Variants in TUSC3 observed in about 807,000 individuals in gnomAD.
TUSC3 encodes tumor suppressor candidate 3, also known as dolichyl-diphosphooligosaccharide--protein glycosyltransferase subunit TUSC3.
TUSC3 carries 45 observed loss-of-function variants against 44.8 expected under a neutral mutation model. The observed-to-expected ratio is 1.00, with a 90% CI of 0.79 to 1.29. The LOEUF is 1.29. Among genes scored for constraint, TUSC3 ranks in the 50% most tolerant of loss-of-function variants. The pLI is 0.00. For missense variants in TUSC3, 519 were observed against 437.9 expected (o/e 1.19, Z -1.65); for synonymous variants, 212 against 152.9 (o/e 1.39, Z -2.85).
the TUSC3 span, among the ~76,000 whole-genome samples, chr8:15,844,659 G>C: frequency 1.3e-5 from 2 of 152,124 alleles, no homozygotes; most frequent in African/African-American, 4.8e-5. Context: ...TAAAAGCATT[G>C]TAACCTCCAG....
intron 1 of TUSC3, among the ~76,000 whole-genome samples, chr8:15,616,560 G>C (rs570095740): frequency 4.8e-4 from 73 of 152,302 alleles, no homozygotes; most frequent in African/African-American, 1.7e-3. Context: ...CTGTGTGACA[G>C]AGTGAGAGTT....
intron 1 of TUSC3, among the ~76,000 whole-genome samples, chr8:15,611,884 A>C (rs1290754392): frequency 6.6e-6 from 1 of 152,206 alleles, no homozygotes; most frequent in African/African-American, 2.4e-5. Flanking sequence ...TCGAATTTCC[A>C]ACATGGAAGA....
At chr8:15,706,224 A>G (rs942192893) in intron 6 of TUSC3, among the ~76,000 whole-genome samples, 3 of 151,998 alleles carry the variant, frequency 2.0e-5, no homozygotes, top group Non-Finnish European at 2.9e-5. Flanking sequence ...ATTTTGGTAT[A>G]TATTTATGTG....
intron 1 of TUSC3, among the ~76,000 whole-genome samples, chr8:15,465,934 C>T (rs1409396066): frequency 1.3e-5 from 2 of 152,170 alleles, no homozygotes; most frequent in Admixed American, 6.5e-5. Context: ...GTGATATACT[C>T]AGGGAATAAA....
chr8:15,421,832 T>TA (rs1446618171), intron 1 of TUSC3, among the ~76,000 whole-genome samples: 2 of 152,274 alleles, frequency 1.3e-5, no homozygotes, highest in African/African-American at 2.4e-5. Context: ...AGTCATGTTG[T>TA]AAAAAAATTC....
chr8:15,642,868 C>T (rs1027162894), intron 2 of TUSC3, among the ~76,000 whole-genome samples: 7 of 152,306 alleles, frequency 4.6e-5, no homozygotes, highest in African/African-American at 1.4e-4. Context: ...CTCTTCCAAA[C>T]ATTGAATTAA....
intron 2 of TUSC3, among the ~76,000 whole-genome samples, chr8:15,508,784 T>C (rs541885413): frequency 9.9e-5 from 15 of 152,112 alleles, no homozygotes; most frequent in Non-Finnish European, 2.1e-4. Flanking sequence ...TTAAGTGGAA[T>C]AGGAAAAAAA....
chr8:15,431,786 T>C (rs529455810), intron 1 of TUSC3, among the ~76,000 whole-genome samples: 9 of 131,016 alleles, frequency 6.9e-5, no homozygotes, highest in South Asian at 4.4e-4. Flanking sequence ...TTGACTATTA[T>C]GTTAGCTGTG....
intron 6 of TUSC3, among the ~76,000 whole-genome samples, chr8:15,695,876 G>C (rs900457596): frequency 1.3e-5 from 2 of 152,140 alleles, no homozygotes; most frequent in African/African-American, 2.4e-5. Flanking sequence ...AGGGTATGTG[G>C]TGGAAGAAAT....
At chr8:15,699,746 A>G (rs555474846) in intron 6 of TUSC3, among the ~76,000 whole-genome samples, 3 of 152,322 alleles carry the variant, frequency 2.0e-5, no homozygotes, top group South Asian at 2.1e-4. Context: ...TACAAAGAGT[A>G]TGGACTTTTT....
chr8:15,792,722 T>C, the TUSC3 span, among the ~76,000 whole-genome samples: 4 of 152,022 alleles, frequency 2.6e-5, no homozygotes, highest in Non-Finnish European at 5.9e-5. Flanking sequence ...TTCAAGTGAT[T>C]ATGGTGCCTC....
chr8:15,526,815 G>T (rs960406897), intron 2 of TUSC3, among the ~76,000 whole-genome samples: 1 of 152,178 alleles, frequency 6.6e-6, no homozygotes, highest in Non-Finnish European at 1.5e-5. Context: ...TTCGTTTGAA[G>T]TCTCAGTGTT....
chr8:15,630,786 G>A (rs1319359780), intron 2 of TUSC3, among the ~76,000 whole-genome samples: 1 of 152,158 alleles, frequency 6.6e-6, no homozygotes, highest in African/African-American at 2.4e-5. Context: ...TCAGGAATGT[G>A]TCTCATAATG....
At chr8:15,716,475 A>C (rs1810064417) in intron 6 of TUSC3, among the ~76,000 whole-genome samples, 1 of 152,150 alleles carries the variant, frequency 6.6e-6, no homozygotes, top group Non-Finnish European at 1.5e-5. Context: ...GTTGTGAAAA[A>C]TGGAAGTATA....
intron 6 of TUSC3, among the ~76,000 whole-genome samples, chr8:15,717,544 C>T (rs776881325): frequency 1.2e-4 from 19 of 152,084 alleles, no homozygotes; most frequent in Non-Finnish European, 2.4e-4. Flanking sequence ...TTCCTTGTCA[C>T]ACTGTACCTG....
chr8:15,779,098 CTT>C, the TUSC3 span, among the ~76,000 whole-genome samples: 24,106 of 111,606 alleles, frequency 0.22, 2,350 homozygotes, highest in Admixed American at 0.37. Context: ...CGAATGTTTT[CTT>C]TTTTTTTTTT....
At position 15,549,451 on chromosome 8, in the gene TUSC3, C is replaced by A. The variant is rs758897931; in HGVS notation, c.138+8883C>A. On this transcript the variant is annotated intron_variant, in intron 1 of 10. Coordinates refer to ENST00000503731, the MANE Select transcript of TUSC3 (RefSeq NM_006765.4). ...CCTCCCAAAGTGCTGGGATTACAGG[C>A]GTGAGCCACCATGCTCGGCCTAATG... Among the ~76,000 whole-genome samples the A allele has an allele frequency of 3.9e-4, 59 of 151,698 alleles. 3 individuals carry two copies. The highest frequency in any genetic ancestry group is 8.6e-4 in the Admixed American group (13 of 15,200).
At chr8:15,562,993 G>C (rs1802534984) in intron 1 of TUSC3, among the ~76,000 whole-genome samples, 1 of 144,894 alleles carries the variant, frequency 6.9e-6, no homozygotes, top group South Asian at 2.3e-4. Flanking sequence ...TCTTGTCCAT[G>C]CCCAGGGGAG....
In TUSC3 at chr8:15,751,061, C is replaced by T. The variant is rs140455519; in HGVS notation, c.1028+2596C>T. Among the ~76,000 whole-genome samples, 21 of 152,204 alleles carry T rather than the reference C, an allele frequency of 1.4e-4. No homozygotes were observed. In the East Asian group the frequency reaches 3.7e-3, roughly 27 times the overall value. The stretch of plus-strand genomic sequence containing the variant: ...GCAGGCAGGCCTCTGGCTGCTATAA[C>T]AGCTCTTCACAGTGCTCCATCATCT... On this transcript the variant is annotated intron_variant, in intron 9 of 10. Coordinates refer to ENST00000503731, the MANE Select transcript of TUSC3 (RefSeq NM_006765.4).
Sources: allele counts gnomAD v4.1 joint callset (sites outside exome capture counted in the v4.1 genomes callset), GRCh38; gene constraint gnomAD v4.1.1; transcripts MANE v1.5; gene names NCBI Gene and HGNC (gene_info 2026-07-23, HGNC 2026-07-21).